SRGAP1: variants seen among roughly 807,000 people sequenced by gnomAD.
SRGAP1 encodes the protein SLIT-ROBO Rho GTPase activating protein 1.
In SRGAP1, 43 loss-of-function variants were observed where a neutral mutation model predicts 121.9. The ratio of observed to expected loss-of-function variants is 0.35; its 90% CI spans 0.28 to 0.46. SRGAP1 has a LOEUF of 0.46. Ranked by LOEUF, SRGAP1 falls within the 20% of genes least tolerant of loss-of-function variation. The pLI, the probability that SRGAP1 is intolerant of heterozygous loss-of-function variation, is 1.00. For synonymous variants in SRGAP1, 447 were observed against 485.4 expected (o/e 0.92, Z 1.04); for missense variants, 1,102 against 1,350.9 (o/e 0.82, Z 2.89).
chr12:63,879,326 T>C (rs1460742542), intron 1 of SRGAP1: 1 of 152,224 alleles, frequency 6.6e-6, no homozygotes, highest in East Asian at 1.9e-4. Context: ...TTTGTTCTTT[T>C]TAAGGGGGAA....
rs376947930 is a variant in SRGAP1 at position 63,893,165 on chromosome 12, T to C, written c.67+48282T>C. Among the ~76,000 whole-genome samples, 618 of 152,348 alleles carry C rather than the reference T, an allele frequency of 4.1e-3. 11 individuals carry two copies. Among genetic ancestry groups the C allele is most frequent in the Non-Finnish European group, 2.7e-3 (186 of 68,038 alleles). ...GCCCACTCCCCAATTAGACATTGTT[T>C]AGTTGATTGGAAAATGCATGTTGTA... On this transcript the variant is annotated intron_variant, in intron 1 of 21. Coordinates refer to ENST00000355086, the MANE Select transcript of SRGAP1 (RefSeq NM_020762.4).
At chr12:63,903,632 G>A (rs2030048986) in intron 1 of SRGAP1, among the ~76,000 whole-genome samples, 1 of 147,752 alleles carries the variant, frequency 6.8e-6, no homozygotes, top group African/African-American at 2.6e-5. Context: ...CGCAGTCTTT[G>A]TTCACCGCAA....
intron 1 of SRGAP1, among the ~76,000 whole-genome samples, chr12:63,861,241 G>T: frequency 6.8e-6 from 1 of 147,392 alleles, no homozygotes; most frequent in African/African-American, 2.5e-5. Context: ...TTGAACTCCT[G>T]AGCTCAAGCA....
Position 64,147,644 on chromosome 12 carries a change from T to G in SRGAP1, c.*4972T>G, listed in dbSNP as rs1455946274. Reference sequence around the variant, plus strand: ...TGCCTCTCACCATTTCATTCCCTCCTCTCTGAGGTGAAAATAAAGGGGGAT... The same window carrying G: ...TGCCTCTCACCATTTCATTCCCTCCGCTCTGAGGTGAAAATAAAGGGGGAT... On this transcript the variant is annotated 3_prime_UTR_variant, in exon 22 of 22. Coordinates refer to ENST00000355086, the MANE Select transcript of SRGAP1 (RefSeq NM_020762.4). 7.5e-6 allele frequency: 3 copies of G among 398,336 alleles called. No individual in the cohort carries two copies. The highest frequency in any genetic ancestry group is 1.3e-5 in the Non-Finnish European group (3 of 226,066). 24.7% of individuals were successfully genotyped at this position (398,336 alleles called of 1,614,324 possible). A position where few individuals can be genotyped will look rare whatever the true frequency, so the allele number is the denominator to read the frequency against.
intron 20 of SRGAP1, 37 bp downstream of exon 20, chr12:64,127,761 G>T (rs371110994): frequency 1.3e-5 from 21 of 1,610,390 alleles, no homozygotes; most frequent in Non-Finnish European, 1.8e-5. Context: ...CTAAGCCTCC[G>T]CTCCTCCTGG....
chr12:64,002,705 A>G (rs2033939503), intron 3 of SRGAP1, among the ~76,000 whole-genome samples: 1 of 152,200 alleles, frequency 6.6e-6, no homozygotes, highest in Non-Finnish European at 1.5e-5. Context: ...CATCTGCAGG[A>G]CAGGTACAGA....
intron 1 of SRGAP1, among the ~76,000 whole-genome samples, chr12:63,857,006 A>G (rs1899273710): frequency 6.6e-6 from 1 of 151,404 alleles, no homozygotes; most frequent in Non-Finnish European, 1.5e-5. Context: ...TTATATCAGG[A>G]TGCTATTTTT....
intron 1 of SRGAP1, among the ~76,000 whole-genome samples, chr12:63,878,436 C>G (rs998876131): frequency 6.6e-6 from 1 of 152,156 alleles, no homozygotes; most frequent in Non-Finnish European, 1.5e-5. Context: ...ATGTTCGCAT[C>G]TTTTTAAAAT....
intron 1 of SRGAP1, among the ~76,000 whole-genome samples, chr12:63,918,098 A>G (rs974074106): frequency 6.6e-6 from 1 of 152,212 alleles, no homozygotes; most frequent in Non-Finnish European, 1.5e-5. Flanking sequence ...TGTGGACAAA[A>G]TCAGTCATAG....
intron 2 of SRGAP1, among the ~76,000 whole-genome samples, chr12:63,985,501 A>G (rs1395782515): frequency 6.6e-6 from 1 of 152,208 alleles, no homozygotes; most frequent in African/African-American, 2.4e-5. Context: ...GTAAAAAGAC[A>G]GTGCAGGCTT....
rs2037210559 is a variant in SRGAP1 at position 64,161,761 on chromosome 12, G to A, written c.*19089G>A. The A allele has an allele frequency of 1.3e-5, 2 of 152,192 alleles. No individual in the cohort carries two copies. Among genetic ancestry groups the A allele is most frequent in the South Asian group, 4.1e-4 (2 of 4,828 alleles). 9.4% of individuals were successfully genotyped at this position (152,192 alleles called of 1,614,324 possible). On this transcript the variant is annotated 3_prime_UTR_variant, in exon 22 of 22. Transcript: ENST00000355086. ...CACTAAAGAAGGGCACTAAAAAACA[G>A]ATTGTCATAGCAGTATTATCCATAA...
At chr12:63,864,944 G>C (rs1033146053) in intron 1 of SRGAP1, among the ~76,000 whole-genome samples, 1 of 152,006 alleles carries the variant, frequency 6.6e-6, no homozygotes, top group Admixed American at 6.6e-5. Flanking sequence ...AAACTTGTTG[G>C]CTAAAATAGA....
chr12:63,925,244 G>T (rs1388957496), intron 1 of SRGAP1, among the ~76,000 whole-genome samples: 1 of 152,160 alleles, frequency 6.6e-6, no homozygotes, highest in Non-Finnish European at 1.5e-5. Context: ...TGAATCTACT[G>T]CTGACATTAT....
intron 4 of SRGAP1, chr12:64,032,320 C>A (rs1234791186): frequency 8.9e-6 from 3 of 337,374 alleles, no homozygotes; most frequent in Non-Finnish European, 1.7e-5. Flanking sequence ...GGCCAGTTGG[C>A]GTTTCTCCAG....
intron 1 of SRGAP1, among the ~76,000 whole-genome samples, chr12:63,960,298 C>T (rs923871967): frequency 6.6e-6 from 1 of 152,132 alleles, no homozygotes; most frequent in Admixed American, 6.5e-5. Context: ...CCCTCCGGAG[C>T]TTCTGTGGGT....
intron 8 of SRGAP1, among the ~76,000 whole-genome samples, chr12:64,073,200 G>C (rs887958397): frequency 6.6e-6 from 1 of 152,060 alleles, no homozygotes; most frequent in Non-Finnish European, 1.5e-5. Flanking sequence ...CATTGAGTCT[G>C]GTGGCTTCTG....
intron 15 of SRGAP1, among the ~76,000 whole-genome samples, chr12:64,099,051 C>A (rs1377591600): frequency 1.3e-5 from 2 of 152,156 alleles, no homozygotes; most frequent in African/African-American, 4.8e-5. Context: ...ATTTTTTTAA[C>A]CCCTCTGTCT....
At chr12:63,919,043 G>A (rs2030920547) in intron 1 of SRGAP1, among the ~76,000 whole-genome samples, 1 of 151,922 alleles carries the variant, frequency 6.6e-6, no homozygotes, top group African/African-American at 2.4e-5. Context: ...GGTGTTTTTT[G>A]TGTTTTTGTT....
At chr12:64,040,916 T>C (rs567620097) in intron 4 of SRGAP1, among the ~76,000 whole-genome samples, 2 of 152,316 alleles carry the variant, frequency 1.3e-5, no homozygotes, top group South Asian at 4.1e-4. Flanking sequence ...TTCTGAAAAT[T>C]TGTCCTAGGA....
Sources: allele counts gnomAD v4.1 joint callset (sites outside exome capture counted in the v4.1 genomes callset), GRCh38; gene constraint gnomAD v4.1.1; transcripts MANE v1.5; gene names NCBI Gene and HGNC (gene_info 2026-07-23, HGNC 2026-07-21).